Variants in PTK2 observed in about 807,000 individuals in gnomAD.
PTK2 encodes the protein focal adhesion kinase 1.
A neutral mutation model predicts 150.1 loss-of-function variants in PTK2; 45 were observed. That is an observed-to-expected ratio of 0.30 (90% CI 0.24 to 0.38). PTK2 has a LOEUF of 0.38. Among genes scored for constraint, PTK2 ranks in the 10% least tolerant of loss-of-function variants. The pLI, the probability that PTK2 is intolerant of heterozygous loss-of-function variation, is 1.00. For missense variants in PTK2, 919 were observed against 1,307.3 expected (o/e 0.70, Z 4.58); for synonymous variants, 432 against 449.2 (o/e 0.96, Z 0.48).
At chr8:140,818,176 A>T in intron 10 of PTK2, 101 bp downstream of exon 10, 1 of 1,153,392 alleles carries the variant, frequency 8.7e-7, no homozygotes. Flanking sequence ...CAATAGGAAA[A>T]TTTAATTGTA....
In PTK2 at chr8:140,696,120, G is replaced by A. The variant is rs151210638; in HGVS notation, c.2499+4771C>T. ...TTCATTCATTCGCTTAATAAATGCTGGCTGAGCCTTATTACTGCTGAACAA... is the reference window on the plus strand; with the variant it reads ...TTCATTCATTCGCTTAATAAATGCTAGCTGAGCCTTATTACTGCTGAACAA... On this transcript the variant is annotated intron_variant, in intron 26 of 31. Transcript: ENST00000522684. Among the ~76,000 whole-genome samples, 9 of 152,246 alleles carry A rather than the reference G, an allele frequency of 5.9e-5. No homozygotes were observed. The East Asian group carries it at 1.7e-3, about 29-fold the overall frequency.
intron 5 of PTK2, among the ~76,000 whole-genome samples, chr8:140,856,251 C>T (rs1343513088): frequency 6.6e-6 from 1 of 152,036 alleles, no homozygotes; most frequent in Non-Finnish European, 1.5e-5. Flanking sequence ...AATATAAAAT[C>T]ACACAACTGT....
intron 13 of PTK2, among the ~76,000 whole-genome samples, chr8:140,790,368 G>T (rs1291437414): frequency 6.6e-6 from 1 of 152,074 alleles, no homozygotes; most frequent in African/African-American, 2.4e-5. Context: ...GGAATCTAGG[G>T]GATAGGACCC....
At chr8:140,968,184 AATT>A (rs768885387) in intron 1 of PTK2, among the ~76,000 whole-genome samples, 28 of 152,234 alleles carry the variant, frequency 1.8e-4, no homozygotes, top group Non-Finnish European at 3.8e-4. Context: ...GAGGCTGTAA[AATT>A]ATTGAATTTT....
exon 32 of PTK2, chr8:140,659,254 A>C (rs2076051110): frequency 3.7e-6 from 2 of 540,294 alleles, no homozygotes; most frequent in Non-Finnish European, 6.5e-6. Context: ...ATTTTTCTGA[A>C]TATCATGATT....
At chr8:140,846,775 T>C in intron 5 of PTK2, 97 bp from the exon 6 acceptor site, 1 of 791,916 alleles carries the variant, frequency 1.3e-6, no homozygotes, top group South Asian at 1.9e-5. Context: ...TTCATATAGT[T>C]TACATTATGT....
intron 8 of PTK2, among the ~76,000 whole-genome samples, chr8:140,825,041 C>T (rs1597368902): frequency 6.6e-6 from 1 of 152,264 alleles, no homozygotes; most frequent in South Asian, 2.1e-4. Context: ...ACAATAGATT[C>T]CTAGGACTTC....
At chr8:140,732,702 T>A in intron 22 of PTK2, 1 of 405,686 alleles carries the variant, frequency 2.5e-6, no homozygotes, top group African/African-American at 2.1e-5. Context: ...GCTCAGCTAC[T>A]GTAGGTGCTC....
At chr8:140,688,434 T>C (rs2100021244) in intron 26 of PTK2, among the ~76,000 whole-genome samples, 1 of 149,592 alleles carries the variant, frequency 6.7e-6, no homozygotes, top group Non-Finnish European at 1.5e-5. Context: ...AAATGTAGCG[T>C]TGGGTGTGGT....
At chr8:140,777,113 C>G (rs2100078900) in intron 14 of PTK2, among the ~76,000 whole-genome samples, 2 of 152,184 alleles carry the variant, frequency 1.3e-5, no homozygotes, top group Admixed American at 6.5e-5. Flanking sequence ...TTAAGCCTGC[C>G]AAACTTAACC....
At chr8:140,677,795 C>T (rs13262271) in intron 27 of PTK2, among the ~76,000 whole-genome samples, 64,084 of 152,100 alleles carry the variant, frequency 0.42, 14,040 homozygotes, top group Non-Finnish European at 0.49. Flanking sequence ...CTTTCTACTT[C>T]ATATATCACT....
At chr8:140,763,948 A>G (rs1426718134) in intron 15 of PTK2, among the ~76,000 whole-genome samples, 2 of 152,224 alleles carry the variant, frequency 1.3e-5, no homozygotes, top group South Asian at 4.1e-4. Context: ...TTCTACAGAC[A>G]GAAAATACCC....
At chr8:140,795,590 G>A (rs1319108964) in intron 12 of PTK2, among the ~76,000 whole-genome samples, 3 of 152,102 alleles carry the variant, frequency 2.0e-5, no homozygotes, top group Non-Finnish European at 4.4e-5. Flanking sequence ...ATATGCTACA[G>A]TATTTATTTT....
intron 1 of PTK2, among the ~76,000 whole-genome samples, chr8:140,998,951 T>C (rs745310778): frequency 1.2e-4 from 18 of 152,076 alleles, no homozygotes; most frequent in Non-Finnish European, 2.4e-4. Flanking sequence ...TCAAGAAGCA[T>C]GGTGCTTTTC....
intron 4 of PTK2, among the ~76,000 whole-genome samples, chr8:140,877,241 C>G (rs2100146169): frequency 6.6e-6 from 1 of 151,938 alleles, no homozygotes; most frequent in Non-Finnish European, 1.5e-5. Context: ...CTCATGTTGG[C>G]CAGCCTGGTC....
chr8:140,766,914 A>G (rs1441866960), intron 14 of PTK2, among the ~76,000 whole-genome samples: 1 of 152,184 alleles, frequency 6.6e-6, no homozygotes, highest in East Asian at 1.9e-4. Context: ...AGGAGACATG[A>G]CAGAAAGTTG....
rs370537018 is a variant in PTK2 at position 140,820,076 on chromosome 8, G to GTTTTTTTTTTT, written c.649-1067_649-1057dup. Among the ~76,000 whole-genome samples, 34 of 50,248 alleles carry GTTTTTTTTTTT rather than the reference G, an allele frequency of 6.8e-4. 4 individuals are homozygous for GTTTTTTTTTTT. Among genetic ancestry groups the GTTTTTTTTTTT allele is most frequent in the Non-Finnish European group, 1.0e-3 (25 of 23,962 alleles). 33.0% of individuals were successfully genotyped at this position (50,248 alleles called of 152,430 possible). ...AGAGGAGTGACTTTATCTGACTTTG[G>GTTTTTTTTTTT]TTTTTTTTTTTTTTTTTTTTTTTTT... On this transcript the variant is annotated intron_variant, in intron 8 of 31. Coordinates refer to ENST00000522684, the Ensembl canonical transcript of PTK2.
intron 1 of PTK2, among the ~76,000 whole-genome samples, chr8:140,966,153 T>C (rs2100185198): frequency 1.3e-5 from 2 of 152,266 alleles, no homozygotes; most frequent in South Asian, 2.1e-4. Context: ...AGACAAACCA[T>C]CCCAGTTACT....
At chr8:140,950,428 A>G (rs1380770685) in intron 1 of PTK2, among the ~76,000 whole-genome samples, 1 of 152,250 alleles carries the variant, frequency 6.6e-6, no homozygotes, top group East Asian at 1.9e-4. Flanking sequence ...AGCCTTGCAC[A>G]GAACTGGCAC....
Sources: gnomAD v4.1 joint callset for allele counts (sites outside exome capture counted in the v4.1 genomes callset) on GRCh38, gnomAD v4.1.1 for gene constraint, MANE v1.5 for transcripts, NCBI Gene and HGNC (gene_info 2026-07-23, HGNC 2026-07-21) for gene names.